The following PTPRM variants were observed in gnomAD, a reference collection of about 807,000 sequenced individuals.
The protein encoded by PTPRM is protein tyrosine phosphatase receptor type M.
Under a neutral mutation model 186.7 loss-of-function variants are expected in PTPRM, and 47 were observed. That is an observed-to-expected ratio of 0.25 (90% CI 0.20 to 0.32). The LOEUF (loss-of-function observed/expected upper bound fraction) is 0.32, where lower values mean the gene tolerates loss of function less well. PTPRM is among the 10% of genes least tolerant of loss of function. PTPRM has a pLI of 1.00. For missense variants in PTPRM, 1,494 were observed against 1,865.0 expected, an observed-to-expected ratio of 0.80 and a Z score of 3.66; for synonymous variants, 668 against 674.9, an observed-to-expected ratio of 0.99 and a Z score of 0.16.
chr18:7,927,495 T>C (rs2051243937), intron 5 of PTPRM, among the ~76,000 whole-genome samples: 1 of 151,918 alleles, frequency 6.6e-6, no homozygotes, highest in Admixed American at 6.6e-5. Flanking sequence ...TTTAAAGTAT[T>C]ATCTATTTAT....
chr18:7,731,815 A>G (rs1310121199), intron 1 of PTPRM, among the ~76,000 whole-genome samples: 1 of 152,232 alleles, frequency 6.6e-6, no homozygotes, highest in African/African-American at 2.4e-5. Flanking sequence ...GGGGAAAGTA[A>G]GGGAAAGGAG....
intron 2 of PTPRM, among the ~76,000 whole-genome samples, chr18:7,809,139 T>G (rs937497714): frequency 6.6e-6 from 1 of 152,144 alleles, no homozygotes; most frequent in African/African-American, 2.4e-5. Context: ...GGTGTTCCCA[T>G]GAGGCTTCTA....
intron 2 of PTPRM, among the ~76,000 whole-genome samples, chr18:7,795,954 C>T (rs1253956259): frequency 6.6e-6 from 1 of 151,604 alleles, no homozygotes; most frequent in Non-Finnish European, 1.5e-5. Flanking sequence ...GCTAGGACTA[C>T]AGGCATGCAC....
intron 5 of PTPRM, among the ~76,000 whole-genome samples, chr18:7,931,905 C>T (rs1350961631): frequency 6.6e-6 from 1 of 152,168 alleles, no homozygotes; most frequent in Admixed American, 6.5e-5. Context: ...CCAAAGCTAG[C>T]TAGTGTTTAT....
chr18:8,082,306 C>A (rs1238423277), intron 9 of PTPRM, among the ~76,000 whole-genome samples: 1 of 152,176 alleles, frequency 6.6e-6, no homozygotes, highest in East Asian at 1.9e-4. Context: ...CTCCAAGATT[C>A]ATTGCCCAGT....
At chr18:8,192,003 A>G (rs2093716694) in intron 14 of PTPRM, among the ~76,000 whole-genome samples, 1 of 151,930 alleles carries the variant, frequency 6.6e-6, no homozygotes, top group Non-Finnish European at 1.5e-5. Context: ...CTGAAATGAA[A>G]TCTTAAGCTT....
chr18:8,033,449 G>C (rs973719195), intron 7 of PTPRM, among the ~76,000 whole-genome samples: 1 of 152,148 alleles, frequency 6.6e-6, no homozygotes, highest in Non-Finnish European at 1.5e-5. Context: ...AAACATCGTA[G>C]AGTGCACAGA....
intron 14 of PTPRM, among the ~76,000 whole-genome samples, chr18:8,202,080 G>A (rs769612379): frequency 6.6e-6 from 1 of 152,162 alleles, no homozygotes; most frequent in African/African-American, 2.4e-5. Flanking sequence ...AATATTAAAT[G>A]TGTTGTTCAA....
intron 15 of PTPRM, among the ~76,000 whole-genome samples, chr18:8,247,242 T>C (rs2094485444): frequency 6.6e-6 from 1 of 152,182 alleles, no homozygotes; most frequent in African/African-American, 2.4e-5. Context: ...CTATCCTGCT[T>C]GATAAAAGAG....
At chr18:7,607,500 A>G (rs1369872380) in intron 1 of PTPRM, among the ~76,000 whole-genome samples, 1 of 152,206 alleles carries the variant, frequency 6.6e-6, no homozygotes, top group Non-Finnish European at 1.5e-5. Flanking sequence ...TTCTGGGTTC[A>G]GATCTTGACA....
intron 7 of PTPRM, among the ~76,000 whole-genome samples, chr18:7,962,578 A>T (rs778516910): frequency 1.2e-4 from 19 of 152,178 alleles, no homozygotes; most frequent in Non-Finnish European, 1.6e-4. Flanking sequence ...ATATATCTGA[A>T]TGAGATTCTC....
chr18:8,128,123 G>C (rs1268672806), intron 13 of PTPRM, among the ~76,000 whole-genome samples: 1 of 152,128 alleles, frequency 6.6e-6, no homozygotes, highest in Admixed American at 6.6e-5. Flanking sequence ...ATTAAGGGAA[G>C]AAAATGCCTC....
chr18:8,289,276 T>C (rs1324784910), intron 19 of PTPRM, among the ~76,000 whole-genome samples: 1 of 151,728 alleles, frequency 6.6e-6, no homozygotes, highest in Non-Finnish European at 1.5e-5. Flanking sequence ...ATGACATTGC[T>C]GTGGAAAAGG....
chr18:7,973,844 T>G (rs2147341251), intron 7 of PTPRM, among the ~76,000 whole-genome samples: 1 of 152,318 alleles, frequency 6.6e-6, no homozygotes, highest in South Asian at 2.1e-4. Context: ...AATGACCCAT[T>G]GTTTCTTCCT....
At chr18:7,876,191 G>C (rs1353141177) in intron 2 of PTPRM, among the ~76,000 whole-genome samples, 3 of 151,618 alleles carry the variant, frequency 2.0e-5, no homozygotes, top group Non-Finnish European at 2.9e-5. Flanking sequence ...AACTCATTAG[G>C]TGATTTAAAA....
intron 19 of PTPRM, among the ~76,000 whole-genome samples, chr18:8,255,876 G>T (rs943487437): frequency 3.9e-5 from 6 of 152,198 alleles, no homozygotes; most frequent in African/African-American, 1.4e-4. Flanking sequence ...GCCGCAGGGA[G>T]AAGGGGACGC....
intron 17 of PTPRM, among the ~76,000 whole-genome samples, chr18:8,250,586 C>G (rs1158095288): frequency 6.6e-6 from 1 of 151,908 alleles, no homozygotes; most frequent in African/African-American, 2.4e-5. Context: ...TCAAGACCAG[C>G]CTCCGCAACA....
chr18:8,051,619 G>GT (rs1276650702), intron 7 of PTPRM, among the ~76,000 whole-genome samples: 1 of 152,028 alleles, frequency 6.6e-6, no homozygotes, highest in East Asian at 1.9e-4. Flanking sequence ...TGTGGGACTT[G>GT]TTTTTTTAAT....
At chr18:7,624,884 G>T (rs986920399) in intron 1 of PTPRM, among the ~76,000 whole-genome samples, 1 of 152,200 alleles carries the variant, frequency 6.6e-6, no homozygotes, top group Non-Finnish European at 1.5e-5. Context: ...AGTGCTGGGC[G>T]TGTAGCAAGC....
Sources: allele counts gnomAD v4.1 joint callset (sites outside exome capture counted in the v4.1 genomes callset), GRCh38; gene constraint gnomAD v4.1.1; transcripts MANE v1.5; gene names NCBI Gene and HGNC (gene_info 2026-07-23, HGNC 2026-07-21).